Variants in SORL1 observed in about 807,000 individuals in gnomAD.
The protein encoded by SORL1 is sortilin related receptor 1, also known as sortilin-related receptor.
A neutral mutation model predicts 273.7 loss-of-function variants in SORL1; 127 were observed. The ratio of observed to expected loss-of-function variants is 0.46; its 90% confidence interval spans 0.40 to 0.54. SORL1 has a LOEUF of 0.54. Among genes scored for constraint, SORL1 ranks in the 20% least tolerant of loss-of-function variants. The probability of loss-of-function intolerance (pLI) is 0.00; values close to 1 mark genes in which losing one functional copy is unlikely to be tolerated. For missense variants in SORL1, 2,494 were observed against 2,846.1 expected (o/e 0.88, Z 2.81); for synonymous variants, 1,031 against 1,067.4 (o/e 0.97, Z 0.66).
In SORL1 at chr11:121,452,478, C is replaced by T. The variant is rs776738207; in HGVS notation, c.147C>T (p.Leu49=). The change falls in exon 1 of 48, where the codon CTC becomes CTT. Residue 49 remains leucine (L), a synonymous_variant. Transcript: ENST00000260197. The surrounding 1 kb of genome is among the most constrained non-coding windows in gnomAD (Gnocchi z 5.3). ...SAPLPQDRGF[L]VVQGDPRELR... ...CCTTGCCCCAGGACCGGGGCTTCCT[C>T]GTGGTGCAGGGCGACCCGCGCGAGC... The T allele has an allele frequency of 1.2e-5, 18 of 1,503,478 alleles. No homozygotes were observed. The highest frequency in any genetic ancestry group is 1.6e-5 in the Non-Finnish European group (18 of 1,127,592). 93.1% of individuals were successfully genotyped at this position (1,503,478 alleles called of 1,614,324 possible).
In SORL1 at chr11:121,558,531, A is replaced by G. The variant is rs1862625775; in HGVS notation, c.2664-60A>G. 3.8e-6 allele frequency: 6 copies of G among 1,592,646 alleles called. No individual in the cohort carries two copies. The South Asian group carries it at 5.5e-5, about 15-fold the overall frequency. ...AGTTTCTGACCTTTTCTGGAGTAGT[A>G]TTTGAGCTCCCATTTCTCTAGTATT... is the stretch of plus-strand genomic sequence containing the variant. On this transcript the variant is annotated intron_variant, in intron 19 of 47. Transcript: ENST00000260197.
chr11:121,607,347 C>G, intron 37 of SORL1, 57 bp downstream of exon 37: 1 of 1,002,404 alleles, frequency 1.0e-6, no homozygotes, highest in Non-Finnish European at 1.6e-6. Flanking sequence ...AGCGAAATTG[C>G]TGCTGTTTTG....
intron 16 of SORL1, among the ~76,000 whole-genome samples, chr11:121,553,072 G>A (rs141450749): frequency 2.0e-5 from 3 of 152,260 alleles, no homozygotes; most frequent in Non-Finnish European, 1.5e-5. Context: ...AATCATCCAC[G>A]GTAGCGTCTG....
chr11:121,612,833 G>A lies in SORL1; in HGVS notation c.5419+1G>A, dbSNP rs1357457480. On this transcript the variant is annotated splice_donor_variant, in intron 40 of 47. Transcript: ENST00000260197. LOFTEE classifies it high-confidence loss of function. ...CGAGGAAGCATATTGTCACACAAAG[G>A]TAACACTTTGGTGCTGGTCAGTGTG... 6.2e-7 allele frequency: 1 copy of A among 1,605,514 alleles called. No homozygotes were observed. Among genetic ancestry groups the A allele is most frequent in the African/African-American group, 1.3e-5 (1 of 74,774 alleles).
chr11:121,615,995 C>T (rs1863633184), intron 41 of SORL1, among the ~76,000 whole-genome samples: 2 of 152,198 alleles, frequency 1.3e-5, no homozygotes, highest in South Asian at 2.1e-4. Context: ...GCTAATTTAA[C>T]AGCCTCTGCT....
At chr11:121,615,966 G>A (rs2134939969) in intron 41 of SORL1, among the ~76,000 whole-genome samples, 1 of 152,286 alleles carries the variant, frequency 6.6e-6, no homozygotes, top group South Asian at 2.1e-4. Flanking sequence ...GCAGTAGACT[G>A]AGTTTCAGCT....
At chr11:121,485,203 A>T (rs996203567) in intron 3 of SORL1, among the ~76,000 whole-genome samples, 4 of 152,186 alleles carry the variant, frequency 2.6e-5, no homozygotes, top group Non-Finnish European at 2.9e-5. Flanking sequence ...GCTTGAGATG[A>T]TCAGGGGCTG....
chr11:121,555,435 C>T (rs985162104), intron 18 of SORL1, 117 bp downstream of exon 18: 19 of 1,312,880 alleles, frequency 1.4e-5, no homozygotes, highest in Admixed American at 2.1e-5. Context: ...AAATTTACTG[C>T]GAGTTTCCAG....
intron 6 of SORL1, among the ~76,000 whole-genome samples, chr11:121,510,920 T>A (rs1015173919): frequency 2.0e-5 from 3 of 152,188 alleles, no homozygotes; most frequent in Admixed American, 2.0e-4. Flanking sequence ...TGCTGTTGGA[T>A]ATTTTCCATG....
intron 12 of SORL1, among the ~76,000 whole-genome samples, chr11:121,539,660 AT>A (rs916538386): frequency 8.6e-5 from 13 of 151,544 alleles, no homozygotes; most frequent in East Asian, 7.7e-4. Context: ...TTATTCAAAG[AT>A]TTTTTTCTTT....
At chr11:121,455,908 G>A (rs1200216639) in intron 1 of SORL1, among the ~76,000 whole-genome samples, 1 of 151,668 alleles carries the variant, frequency 6.6e-6, no homozygotes, top group African/African-American at 2.4e-5. Context: ...CAGGAGAATC[G>A]CTTGAACCCC....
At position 121,612,811 on chromosome 11, in the gene SORL1, G is replaced by C. The variant is rs753033868; in HGVS notation, c.5398G>C (p.Gly1800Arg). Residue 1800 changes from glycine (G) to arginine (R), a missense_variant, in exon 40 of 48, where the codon GGA (glycine) becomes CGA (arginine). This residue lies in a region of SORL1 where 1,609 missense variants were observed against 1,816.4 expected (regional missense o/e 0.89). Coordinates refer to ENST00000260197, the MANE Select transcript of SORL1 (RefSeq NM_003105.6). ...KQERRTLNFR[G>R]SILSHKVGNL... ...AGAGAGGAGAACTTTGAACTTCCGA[G>C]GAAGCATATTGTCACACAAAGGTAA... 2.5e-6 allele frequency: 4 copies of C among 1,613,748 alleles called. No individual in the cohort carries two copies. The highest frequency in any genetic ancestry group is 1.7e-4 in the Middle Eastern group (1 of 6,060).
intron 5 of SORL1, among the ~76,000 whole-genome samples, chr11:121,495,277 A>G (rs1861612198): frequency 6.6e-6 from 1 of 151,892 alleles, no homozygotes; most frequent in Non-Finnish European, 1.5e-5. Context: ...GTAGAGGTGG[A>G]GTCTCACTAT....
rs1384184045 is a variant in SORL1 at position 121,604,337 on chromosome 11, C to T, written c.4651+13C>T. The T allele has an allele frequency of 2.5e-6, 4 of 1,612,324 alleles. No individual in the cohort carries two copies. The highest frequency in any genetic ancestry group is 3.4e-6 in the Non-Finnish European group (4 of 1,179,550). On this transcript the variant is annotated intron_variant, in intron 33 of 47. Transcript: ENST00000260197. ...AAGGCCTGCAGTGGTGAGTGCCGGT[C>T]CACGGGCTGGGCTGGGCTGGGCTGG...
chr11:121,576,594 A>T (rs1191589880), intron 24 of SORL1, among the ~76,000 whole-genome samples: 2 of 152,244 alleles, frequency 1.3e-5, no homozygotes, highest in African/African-American at 2.4e-5. Flanking sequence ...TATTGTTTAT[A>T]AGCTCAGCCT....
At chr11:121,499,935 GT>G (rs1437673440) in intron 6 of SORL1, among the ~76,000 whole-genome samples, 1 of 152,220 alleles carries the variant, frequency 6.6e-6, no homozygotes, top group Non-Finnish European at 1.5e-5. Context: ...GCAAGCTACT[GT>G]TTCAGCCCCC....
intron 1 of SORL1, among the ~76,000 whole-genome samples, chr11:121,462,215 C>T (rs1383330528): frequency 2.6e-5 from 4 of 151,964 alleles, no homozygotes; most frequent in Admixed American, 6.6e-5. Context: ...TTTTTTTCTC[C>T]ACCTTTAAAA....
intron 2 of SORL1, among the ~76,000 whole-genome samples, chr11:121,475,653 C>T (rs940863834): frequency 2.6e-5 from 4 of 152,132 alleles, no homozygotes; most frequent in African/African-American, 7.2e-5. Flanking sequence ...AGCAGAGAAA[C>T]GTTAAGATGG....
Position 121,605,122 on chromosome 11 carries a change from CTG to C in SORL1, c.4665_4666del (p.Tyr1556GlnfsTer10). On this transcript the variant is annotated frameshift_variant, in exon 34 of 48. Transcript: ENST00000260197. LOFTEE classifies it high-confidence loss of function. ...TCCTTTATCTCTCTAGATGAGTTGA[CTG>C]TGTACAAAGTACAGAATCTTCAGTG... 1 of 1,610,954 alleles carries C rather than the reference CTG, an allele frequency of 6.2e-7. No homozygotes were observed. Among genetic ancestry groups the C allele is most frequent in the Non-Finnish European group, 8.5e-7 (1 of 1,178,844 alleles).
Sources: gnomAD v4.1 joint callset for allele counts (sites outside exome capture counted in the v4.1 genomes callset) on GRCh38, gnomAD v4.1.1 for gene constraint, gnomAD v4.1.1 regional missense constraint, Gnocchi (gnomAD v3.1) non-coding constraint, MANE v1.5 for transcripts, NCBI Gene and HGNC (gene_info 2026-07-23, HGNC 2026-07-21) for gene names.